The following VAX2 variants were observed in gnomAD, a reference collection of about 807,000 sequenced individuals.
The protein encoded by VAX2 is ventral anterior homeobox 2.
VAX2 carries 8 observed loss-of-function variants against 12.5 expected under a neutral mutation model. The ratio of observed to expected loss-of-function variants is 0.64; its 90% confidence interval spans 0.37 to 1.15. The LOEUF (loss-of-function observed/expected upper bound fraction) is 1.15. Among genes scored for constraint, VAX2 ranks in the 50% most tolerant of loss-of-function variants. VAX2 has a pLI of 0.01. For synonymous variants in VAX2, 183 were observed against 187.6 expected, an observed-to-expected ratio of 0.98 and a Z score of 0.20; for missense variants, 476 against 412.9, an observed-to-expected ratio of 1.15 and a Z score of -1.32.
chr2:70,925,792 C>T (rs1679558227), intron 2 of VAX2, among the ~76,000 whole-genome samples: 1 of 152,126 alleles, frequency 6.6e-6, no homozygotes, highest in Admixed American at 6.6e-5. Context: ...CTCTTTTGGG[C>T]CCGAGGGATT....
rs202064044 is a variant in VAX2 at position 70,932,833 on chromosome 2, C to G, written c.502C>G (p.Arg168Gly). The G allele has an allele frequency of 1.7e-4, 274 of 1,612,042 alleles. No homozygotes were observed. Among genetic ancestry groups the G allele is most frequent in the Non-Finnish European group, 2.2e-4 (258 of 1,179,316 alleles). Reference protein sequence around the residue: ...KKDQSRDLEKRASSSASEAFA... With the variant: ...KKDQSRDLEKGASSSASEAFA... ...AGACCAGAGCAGAGACCTGGAGAAG[C>G]GGGCGTCCTCCTCAGCCTCCGAGGC... The change falls in exon 3 of 3, where the codon CGG becomes GGG. Residue 168 changes from arginine (R) to glycine (G), a missense_variant. By Grantham distance (125) the Arg-to-Gly change is moderately radical. Transcript: ENST00000234392.
intron 2 of VAX2, among the ~76,000 whole-genome samples, chr2:70,931,820 G>A (rs1572900594): frequency 6.6e-6 from 1 of 152,274 alleles, no homozygotes; most frequent in Non-Finnish European, 1.5e-5. Context: ...ACAGGCTGGG[G>A]CAGCCACACA....
chr2:70,920,037 C>T (rs1679417472), intron 1 of VAX2, among the ~76,000 whole-genome samples: 1 of 152,124 alleles, frequency 6.6e-6, no homozygotes, highest in Non-Finnish European at 1.5e-5. Context: ...AATTCCTGCA[C>T]CTGTGGAGGG....
At chr2:70,911,302 C>T (rs545887266) in intron 1 of VAX2, among the ~76,000 whole-genome samples, 2 of 152,220 alleles carry the variant, frequency 1.3e-5, no homozygotes, top group South Asian at 4.1e-4. Flanking sequence ...TTAATGTTTA[C>T]ATATAGCCAA....
intron 1 of VAX2, among the ~76,000 whole-genome samples, chr2:70,910,025 A>G (rs1679148694): frequency 6.6e-6 from 1 of 152,074 alleles, no homozygotes; most frequent in Non-Finnish European, 1.5e-5. Context: ...AACATGTAAA[A>G]CCAGGTGGGA....
At chr2:70,910,107 G>A (rs782101959) in intron 1 of VAX2, among the ~76,000 whole-genome samples, 20 of 151,980 alleles carry the variant, frequency 1.3e-4, no homozygotes, top group Non-Finnish European at 2.2e-4. Flanking sequence ...TTTTTTAAGA[G>A]TCCCCCCTTT....
chr2:70,906,197 G>A (rs1360012086), intron 1 of VAX2, among the ~76,000 whole-genome samples: 2 of 152,230 alleles, frequency 1.3e-5, no homozygotes, highest in Non-Finnish European at 2.9e-5. Context: ...ACAGGTCTAG[G>A]AGGCTAGTTC....
chr2:70,923,535 G>A (rs1553413144), intron 2 of VAX2, among the ~76,000 whole-genome samples: 23 of 152,214 alleles, frequency 1.5e-4, no homozygotes, highest in Non-Finnish European at 5.9e-5. Context: ...CAGTGCCACA[G>A]CAGACTCAAG....
intron 1 of VAX2, among the ~76,000 whole-genome samples, chr2:70,920,641 A>ATG (rs1172973049): frequency 5.0e-4 from 27 of 54,058 alleles, no homozygotes; most frequent in Non-Finnish European, 7.1e-4. Flanking sequence ...GCATGCATGC[A>ATG]CAGACACACA....
intron 2 of VAX2, 73 bp downstream of exon 2, chr2:70,921,358 T>C: frequency 1.4e-6 from 2 of 1,466,200 alleles, no homozygotes; most frequent in Non-Finnish European, 1.8e-6. Context: ...TGAGGCCCTG[T>C]GAGCTGCTAC....
At chr2:70,925,626 G>A (rs1553413434) in intron 2 of VAX2, among the ~76,000 whole-genome samples, 1 of 152,200 alleles carries the variant, frequency 6.6e-6, no homozygotes, top group Non-Finnish European at 1.5e-5. Flanking sequence ...GTCTCTGTCA[G>A]AGCTCTTTTG....
At chr2:70,920,047 G>A (rs1168966271) in intron 1 of VAX2, among the ~76,000 whole-genome samples, 2 of 152,124 alleles carry the variant, frequency 1.3e-5, no homozygotes, top group African/African-American at 4.8e-5. Flanking sequence ...CCTGTGGAGG[G>A]TTGCTTGCTT....
chr2:70,906,106 C>T (rs1435228205), intron 1 of VAX2, among the ~76,000 whole-genome samples: 50 of 152,244 alleles, frequency 3.3e-4, no homozygotes, highest in Admixed American at 3.3e-3. Flanking sequence ...TGTGCATCTG[C>T]AGATTCTGTA....
At position 70,933,329 on chromosome 2, in the gene VAX2, C is replaced by A; in HGVS notation, c.*125C>A. 1 of 1,002,350 alleles carries A rather than the reference C, an allele frequency of 1.0e-6. No homozygotes were observed. The highest frequency in any genetic ancestry group is 1.3e-6 in the Non-Finnish European group (1 of 745,218). 62.1% of individuals were successfully genotyped at this position (1,002,350 alleles called of 1,614,324 possible). On this transcript the variant is annotated 3_prime_UTR_variant, in exon 3 of 3. Coordinates refer to ENST00000234392, the MANE Select transcript of VAX2 (RefSeq NM_012476.3). ...AGCCACACACTCTTCCCCACCTGCC[C>A]CCCAGCTCAGAGACTCGTGACCAAA...
rs1246416916 is a variant in VAX2, at chr2:70,904,570, G to C, written c.247+3702G>C. Among the ~76,000 whole-genome samples, 2 of 152,168 alleles carry C rather than the reference G, an allele frequency of 1.3e-5. No individual in the cohort carries two copies. The highest frequency in any genetic ancestry group is 4.8e-5 in the African/African-American group (2 of 41,426). On this transcript the variant is annotated intron_variant, in intron 1 of 2. Transcript: ENST00000234392. This position sits in a 1 kb window ranked among gnomAD's most constrained non-coding sequence, Gnocchi z 4.2. ...CCTGCTCACCCAAAGCGGCCTCTCT[G>C]GGCTGACAGCCACCCCTGCGGGTCC...
intron 1 of VAX2, among the ~76,000 whole-genome samples, chr2:70,906,052 C>G (rs1220676703): frequency 6.6e-6 from 1 of 152,334 alleles, no homozygotes; most frequent in Admixed American, 6.5e-5. Flanking sequence ...ACAAATAATG[C>G]TAGACCTGAC....
At position 70,932,758 on chromosome 2, in the gene VAX2, C is replaced by G. The variant is rs201813531; in HGVS notation, c.436-9C>G. The G allele has an allele frequency of 5.2e-6, 8 of 1,531,902 alleles. No individual in the cohort carries two copies. Among genetic ancestry groups the G allele is most frequent in the African/African-American group, 1.4e-5 (1 of 71,880 alleles). The allele number at this position is 1,531,902 out of a possible 1,614,324, so 94.9% of individuals were successfully genotyped here. ...TCTCCCTCCTTGACACCCCCTCCCC[C>G]ACCCCAAGGTGAAGGTCTGGTTCCA... On this transcript the variant is annotated splice_polypyrimidine_tract_variant and intron_variant, in intron 2 of 2. Transcript: ENST00000234392.
At chr2:70,907,510 G>A (rs1158581035) in intron 1 of VAX2, among the ~76,000 whole-genome samples, 1 of 152,224 alleles carries the variant, frequency 6.6e-6, no homozygotes, top group African/African-American at 2.4e-5. Flanking sequence ...CGCAGTTGAC[G>A]CCACGGTTTC....
At chr2:70,914,204 T>G (rs180880106) in intron 1 of VAX2, among the ~76,000 whole-genome samples, 19 of 152,298 alleles carry the variant, frequency 1.2e-4, no homozygotes, top group Admixed American at 1.0e-3. Context: ...TCCCAGCATT[T>G]TGGGAGGCCA....
Sources: allele counts gnomAD v4.1 joint callset (sites outside exome capture counted in the v4.1 genomes callset), GRCh38; gene constraint gnomAD v4.1.1; non-coding constraint Gnocchi (gnomAD v3.1); transcripts MANE v1.5; gene names NCBI Gene and HGNC (gene_info 2026-07-23, HGNC 2026-07-21).